The following PI4KB variants were observed in gnomAD, a reference collection of about 807,000 sequenced individuals.
The protein encoded by PI4KB is phosphatidylinositol 4-kinase beta.
Under a neutral mutation model 81.4 loss-of-function variants are expected in PI4KB, and 23 were observed. The ratio of observed to expected loss-of-function variants is 0.28; its 90% confidence interval spans 0.20 to 0.40. PI4KB has a LOEUF of 0.40. PI4KB is among the 10% of genes least tolerant of loss of function. The pLI, the probability that PI4KB is intolerant of heterozygous loss-of-function variation, is 1.00. For synonymous variants in PI4KB, 381 were observed against 406.8 expected (o/e 0.94, Z 0.76); for missense variants, 651 against 1,036.6 (o/e 0.63, Z 5.11).
intron 9 of PI4KB, 54 bp downstream of exon 9, chr1:151,298,754 A>C: frequency 6.3e-7 from 1 of 1,575,124 alleles, no homozygotes; most frequent in Non-Finnish European, 8.7e-7. Context: ...CTACACACGA[A>C]GGGACAGAGA....
At chr1:151,293,413 C>T (rs1694483708) in intron 11 of PI4KB, 1 of 1,279,984 alleles carries the variant, frequency 7.8e-7, no homozygotes, top group South Asian at 1.3e-5. Flanking sequence ...TGACCTGGGC[C>T]ACCGTCATCA....
intron 1 of PI4KB, chr1:151,326,334 C>A: frequency 1.6e-6 from 1 of 643,876 alleles, no homozygotes; most frequent in South Asian, 1.9e-5. Flanking sequence ...TCCCCCTGCT[C>A]ACAACACATT....
chr1:151,307,426 G>A (rs919838714), intron 4 of PI4KB, 148 bp downstream of exon 4: 6 of 620,226 alleles, frequency 9.7e-6, no homozygotes, highest in Non-Finnish European at 1.7e-5. Context: ...ATCGCACTGA[G>A]ACAGAGTCAT....
chr1:151,312,456 G>A (rs1378837555), intron 2 of PI4KB, among the ~76,000 whole-genome samples: 1 of 152,168 alleles, frequency 6.6e-6, no homozygotes, highest in East Asian at 1.9e-4. Context: ...GCTTATGGCA[G>A]AAAACAACTT....
rs1208491315 is a variant in PI4KB, at chr1:151,327,254, AAGG to A, written c.-29+14_-29+16del. The A allele has an allele frequency of 8.3e-5, 10 of 121,184 alleles. No individual in the cohort carries two copies. The highest frequency in any genetic ancestry group is 2.2e-4 in the African/African-American group (7 of 31,280). The allele number at this position is 121,184 out of a possible 1,614,324, so 7.5% of individuals were successfully genotyped here. ...CCCAACAGGGCAAAGGTGACTCATG[AAGG>A]AGGAGTAGCTTACCTCTGGGGGACC... On this transcript the variant is annotated intron_variant, in intron 1 of 11. Coordinates refer to ENST00000368873, the MANE Select transcript of PI4KB (RefSeq NM_001369623.2).
At chr1:151,302,459 C>T (rs1695363217) in intron 6 of PI4KB, among the ~76,000 whole-genome samples, 161 bp from the exon 7 acceptor site, 1 of 152,142 alleles carries the variant, frequency 6.6e-6, no homozygotes, top group African/African-American at 2.4e-5. Flanking sequence ...CCAATGACAC[C>T]TTTTTGCTAA....
rs1167385854 is a variant in PI4KB at position 151,294,231 on chromosome 1, G to C, written c.2149-93C>G. The C allele has an allele frequency of 9.2e-6, 14 of 1,522,200 alleles. No homozygotes were observed. In the East Asian group the frequency reaches 2.9e-4, roughly 32 times the overall value. The allele number at this position is 1,522,200 out of a possible 1,614,324, so 94.3% of individuals were successfully genotyped here. On this transcript the variant is annotated intron_variant, in intron 10 of 11. Transcript: ENST00000368873. ...GCCTACCAGAACTCCTCCTCCTCTT[G>C]GGGCCCTGTTATTTCCCCCTTCCTT...
At chr1:151,299,484 C>T (rs587620683) in intron 8 of PI4KB, among the ~76,000 whole-genome samples, 4 of 152,244 alleles carry the variant, frequency 2.6e-5, no homozygotes, top group African/African-American at 9.6e-5. Flanking sequence ...GAGTTCAAGA[C>T]CAGCCTGGCC....
intron 9 of PI4KB, among the ~76,000 whole-genome samples, chr1:151,298,153 T>C (rs1694962926): frequency 6.6e-6 from 1 of 152,260 alleles, no homozygotes; most frequent in African/African-American, 2.4e-5. Flanking sequence ...GTGGAAATCA[T>C]ATGCTGGAAT....
chr1:151,317,536 C>T (rs1648150878), intron 1 of PI4KB, among the ~76,000 whole-genome samples: 1 of 151,518 alleles, frequency 6.6e-6, no homozygotes, highest in African/African-American at 2.4e-5. Context: ...CCAGCCTGGT[C>T]TTGAACTGAG....
chr1:151,299,821 G>C (rs1265122955), intron 8 of PI4KB, among the ~76,000 whole-genome samples: 2 of 152,150 alleles, frequency 1.3e-5, no homozygotes, highest in Non-Finnish European at 2.9e-5. Flanking sequence ...AGGGGTATCA[G>C]AAGATCAATA....
rs61818003 is a variant in PI4KB, at chr1:151,293,250, G to T, written c.2270-217C>A. Reference sequence around the variant, plus strand: ...CCCTTCTGTAGGTGAGGGCATGTGGGCAGAGGAAGGAAGGGGACCAACACC... The same window carrying T: ...CCCTTCTGTAGGTGAGGGCATGTGGTCAGAGGAAGGAAGGGGACCAACACC... On this transcript the variant is annotated intron_variant, in intron 11 of 11. Coordinates refer to ENST00000368873, the MANE Select transcript of PI4KB (RefSeq NM_001369623.2). 1.8e-3 allele frequency: 2,553 copies of T among 1,420,868 alleles called. 1 individual carries two copies. The highest frequency in any genetic ancestry group is 2.2e-3 in the Non-Finnish European group (2,379 of 1,079,826). 88.0% of individuals were successfully genotyped at this position (1,420,868 alleles called of 1,614,324 possible). A position where few individuals can be genotyped will look rare whatever the true frequency, so the allele number is the denominator to read the frequency against.
intron 11 of PI4KB, 129 bp downstream of exon 11, chr1:151,293,889 A>T: frequency 9.9e-7 from 1 of 1,005,550 alleles, no homozygotes. Flanking sequence ...ACTGGACCAG[A>T]GCTAGAAACT....
intron 9 of PI4KB, among the ~76,000 whole-genome samples, chr1:151,296,939 T>C (rs6690011): frequency 0.055 from 8,364 of 151,614 alleles, 690 homozygotes; most frequent in African/African-American, 0.18. Flanking sequence ...CCACGCCTGG[T>C]GAATTTTTGG....
chr1:151,326,743 G>A (rs1649661262), intron 1 of PI4KB, among the ~76,000 whole-genome samples: 1 of 152,180 alleles, frequency 6.6e-6, no homozygotes, highest in African/African-American at 2.4e-5. Flanking sequence ...GGAGCTGGCT[G>A]GGTAGGTGGG....
chr1:151,313,704 G>A (rs1476887404), intron 2 of PI4KB, among the ~76,000 whole-genome samples: 1 of 152,224 alleles, frequency 6.6e-6, no homozygotes, highest in Non-Finnish European at 1.5e-5. Context: ...ATATGAAAAC[G>A]GTTCATTCTA....
chr1:151,319,193 C>A (rs896120732), intron 1 of PI4KB, among the ~76,000 whole-genome samples: 1 of 152,028 alleles, frequency 6.6e-6, no homozygotes, highest in Non-Finnish European at 1.5e-5. Context: ...CTAGTTGAGG[C>A]CGGGCACAGT....
At position 151,293,263 on chromosome 1, in the gene PI4KB, G is replaced by A. The variant is rs1308184601; in HGVS notation, c.2270-230C>T. ...GAGGGCATGTGGGCAGAGGAAGGAA[G>A]GGGACCAACACCACATCTCCCTCAG... On this transcript the variant is annotated intron_variant, in intron 11 of 11. Coordinates refer to ENST00000368873, the MANE Select transcript of PI4KB (RefSeq NM_001369623.2). 2.1e-6 allele frequency: 3 copies of A among 1,412,430 alleles called. No individual in the cohort carries two copies. In the African/African-American group the frequency reaches 4.3e-5, roughly 20 times the overall value. 87.5% of individuals were successfully genotyped at this position (1,412,430 alleles called of 1,614,324 possible).
rs771919999 is a variant in PI4KB, at chr1:151,316,187, C to T, written c.295G>A (p.Glu99Lys). The T allele has an allele frequency of 6.2e-7, 1 of 1,614,108 alleles. No homozygotes were observed. Among genetic ancestry groups the T allele is most frequent in the South Asian group, 1.1e-5 (1 of 91,076 alleles). The change falls in exon 2 of 12, where the codon GAG becomes AAG. Residue 99 changes from glutamate to lysine, a missense_variant. By Grantham distance (56) the Glu-to-Lys change is moderately conservative (BLOSUM62 1). Transcript: ENST00000368873. ...GCGGCCCCCATCTCATCTTCCTCCT[C>T]CCTGATCTGGGCAGGTGGATCATCT... Reference protein sequence around the residue: ...CLDDPPAQIREEEDEMGAAVA... With the variant: ...CLDDPPAQIRKEEDEMGAAVA...
Sources: allele counts gnomAD v4.1 joint callset (sites outside exome capture counted in the v4.1 genomes callset), GRCh38; gene constraint gnomAD v4.1.1; transcripts MANE v1.5; gene names NCBI Gene and HGNC (gene_info 2026-07-23, HGNC 2026-07-21).